CDH18: variants seen among roughly 807,000 people sequenced by gnomAD.
The protein encoded by CDH18 is cadherin 18.
A neutral mutation model predicts 67.9 loss-of-function variants in CDH18; 31 were observed. That is an observed-to-expected ratio of 0.46 (90% confidence interval 0.34 to 0.62). CDH18 has a LOEUF of 0.62. Among genes scored for constraint, CDH18 ranks in the 20% least tolerant of loss-of-function variants. The probability of loss-of-function intolerance (pLI) is 0.01; values close to 1 mark genes in which losing one functional copy is unlikely to be tolerated. For missense variants in CDH18, 890 were observed against 975.5 expected, an observed-to-expected ratio of 0.91 and a Z score of 1.17; for synonymous variants, 362 against 347.2, an observed-to-expected ratio of 1.04 and a Z score of -0.48.
At chr5:20,442,083 T>A (rs1414378548) in intron 1 of CDH18, among the ~76,000 whole-genome samples, 1 of 151,884 alleles carries the variant, frequency 6.6e-6, no homozygotes, top group African/African-American at 2.4e-5. Flanking sequence ...AGTCCCTCTA[T>A]CTAGGTAATG....
At chr5:19,846,201 T>C (rs977955089) in intron 2 of CDH18, among the ~76,000 whole-genome samples, 5 of 152,090 alleles carry the variant, frequency 3.3e-5, no homozygotes, top group African/African-American at 1.2e-4. Context: ...GTGCATACAA[T>C]GGGACTTACA....
rs546034495 is a variant in CDH18, at chr5:20,127,717, A to C, written c.-518+127727T>G. Among the ~76,000 whole-genome samples, 13 of 152,256 alleles carry C rather than the reference A, an allele frequency of 8.5e-5. No homozygotes were observed. In the South Asian group the frequency reaches 1.2e-3, roughly 15 times the overall value. Reference sequence around the variant, plus strand: ...GCAAATGGGTAGCTGCTGTTCAGTGAGTATAAAGTTTCAATCATGCAAGAT... The same window carrying C: ...GCAAATGGGTAGCTGCTGTTCAGTGCGTATAAAGTTTCAATCATGCAAGAT... On this transcript the variant is annotated intron_variant, in intron 2 of 14. Transcript: ENST00000507958.
intron 1 of CDH18, among the ~76,000 whole-genome samples, chr5:20,356,747 CTCTCTCTA>C (rs373332086): frequency 0.023 from 3,045 of 133,656 alleles, 34 homozygotes; most frequent in South Asian, 0.048. Context: ...CTCTCTCTCT[CTCTCTCTA>C]TATATATATA....
intron 1 of CDH18, among the ~76,000 whole-genome samples, chr5:20,486,887 A>T (rs549082334): frequency 6.6e-6 from 1 of 152,246 alleles, no homozygotes; most frequent in South Asian, 2.1e-4. Context: ...GATTTAAACC[A>T]GATATGGTTT....
At chr5:20,155,195 A>G (rs1201707019) in intron 2 of CDH18, among the ~76,000 whole-genome samples, 1 of 152,160 alleles carries the variant, frequency 6.6e-6, no homozygotes, top group African/African-American at 2.4e-5. Flanking sequence ...TTTAATGTAA[A>G]CTAGTATTTT....
At chr5:19,591,950 T>C (rs1745210152) in intron 6 of CDH18, among the ~76,000 whole-genome samples, 1 of 152,074 alleles carries the variant, frequency 6.6e-6, no homozygotes, top group Non-Finnish European at 1.5e-5. Flanking sequence ...AGCATTAATT[T>C]TGACACCTAA....
At chr5:20,034,386 G>T (rs1300982818) in intron 2 of CDH18, among the ~76,000 whole-genome samples, 1 of 151,994 alleles carries the variant, frequency 6.6e-6, no homozygotes, top group Non-Finnish European at 1.5e-5. Context: ...AACATACAGT[G>T]CTTTGGAGAT....
At chr5:20,032,193 T>C (rs1031197167) in intron 2 of CDH18, among the ~76,000 whole-genome samples, 1 of 151,612 alleles carries the variant, frequency 6.6e-6, no homozygotes, top group African/African-American at 2.4e-5. Context: ...TCATTATATA[T>C]GTATGCATGT....
At chr5:20,574,249 T>G (rs1758991086) in intron 1 of CDH18, among the ~76,000 whole-genome samples, 1 of 151,600 alleles carries the variant, frequency 6.6e-6, no homozygotes. Flanking sequence ...TAAGGGTGAA[T>G]AAAACACACA....
intron 2 of CDH18, among the ~76,000 whole-genome samples, chr5:20,010,886 C>T (rs1259324500): frequency 6.6e-6 from 1 of 152,164 alleles, no homozygotes; most frequent in African/African-American, 2.4e-5. Flanking sequence ...TAGACAATTG[C>T]TTTCCTCTGA....
chr5:19,948,500 G>T (rs2150254585), intron 2 of CDH18, among the ~76,000 whole-genome samples: 1 of 152,208 alleles, frequency 6.6e-6, no homozygotes, highest in Middle Eastern at 3.4e-3. Context: ...TAATCATAGA[G>T]ATGAAATACA....
intron 2 of CDH18, among the ~76,000 whole-genome samples, chr5:19,864,576 G>A (rs1467706078): frequency 6.6e-6 from 1 of 151,936 alleles, no homozygotes; most frequent in Admixed American, 6.6e-5. Context: ...ACACTCATAA[G>A]ACTTTTCACA....
chr5:19,668,020 TA>T (rs906419351), intron 5 of CDH18, among the ~76,000 whole-genome samples: 15 of 152,006 alleles, frequency 9.9e-5, no homozygotes, highest in African/African-American at 1.9e-4. Flanking sequence ...AAAAAAACTA[TA>T]AAAAACTCCT....
chr5:20,459,075 G>T (rs1319905854), intron 1 of CDH18, among the ~76,000 whole-genome samples: 2 of 152,160 alleles, frequency 1.3e-5, no homozygotes, highest in Non-Finnish European at 2.9e-5. Context: ...TCACGTGTAT[G>T]CATATGTTTG....
At chr5:20,522,368 G>T (rs1486875591) in intron 1 of CDH18, among the ~76,000 whole-genome samples, 15 of 152,128 alleles carry the variant, frequency 9.9e-5, no homozygotes, top group Admixed American at 9.8e-4. Flanking sequence ...TTTTAAGACA[G>T]CAATTGCTAT....
At chr5:20,404,930 G>A (rs115298906) in intron 1 of CDH18, among the ~76,000 whole-genome samples, 1,830 of 152,138 alleles carry the variant, frequency 0.012, 26 homozygotes, top group African/African-American at 0.041. Flanking sequence ...TGCTGCACAC[G>A]GAAGTATATA....
At chr5:20,043,765 A>C (rs1449599314) in intron 2 of CDH18, among the ~76,000 whole-genome samples, 1 of 152,222 alleles carries the variant, frequency 6.6e-6, no homozygotes, top group East Asian at 1.9e-4. Flanking sequence ...TTCTAAAGGA[A>C]GAGATAAAAT....
intron 10 of CDH18, among the ~76,000 whole-genome samples, chr5:19,520,158 C>G (rs1280571237): frequency 6.6e-6 from 1 of 152,092 alleles, no homozygotes; most frequent in East Asian, 1.9e-4. Context: ...AGCCTCTTGC[C>G]CCATGATCCA....
chr5:20,429,973 C>T (rs1748609207), intron 1 of CDH18, among the ~76,000 whole-genome samples: 1 of 152,088 alleles, frequency 6.6e-6, no homozygotes, highest in East Asian at 1.9e-4. Flanking sequence ...TCCCAGGAAG[C>T]TTCCACTTTT....
Sources: allele counts gnomAD v4.1 joint callset (sites outside exome capture counted in the v4.1 genomes callset), GRCh38; gene constraint gnomAD v4.1.1; transcripts MANE v1.5; gene names NCBI Gene and HGNC (gene_info 2026-07-23, HGNC 2026-07-21).